GPHN: variants seen among roughly 807,000 people sequenced by gnomAD.
GPHN encodes the protein gephyrin.
A neutral mutation model predicts 95.5 loss-of-function variants in GPHN; 17 were observed. The observed-to-expected ratio is 0.18, with a 90% CI of 0.12 to 0.27. The LOEUF is 0.27. Ranked by LOEUF, GPHN falls within the 10% of genes least tolerant of loss-of-function variation. The probability of loss-of-function intolerance (pLI) is 1.00; values close to 1 mark genes in which losing one functional copy is unlikely to be tolerated. For missense variants in GPHN, 660 were observed against 978.1 expected, an observed-to-expected ratio of 0.67 and a Z score of 4.34; for synonymous variants, 320 against 322.5, an observed-to-expected ratio of 0.99 and a Z score of 0.08.
chr14:66,801,580 ACTCTCTCTCTCTCTCC>A (rs1401576247), intron 3 of GPHN, among the ~76,000 whole-genome samples: 8 of 34,560 alleles, frequency 2.3e-4, no homozygotes, highest in African/African-American at 3.0e-4. Flanking sequence ...CCCTCTCCCC[ACTCTCTCTCTCTCTCC>A]CTCTCTCTCT....
At chr14:66,827,601 T>A (rs1202478708) in intron 4 of GPHN, among the ~76,000 whole-genome samples, 2 of 129,162 alleles carry the variant, frequency 1.5e-5, no homozygotes, top group Non-Finnish European at 3.0e-5. Flanking sequence ...TTTTATTTGT[T>A]GCTATGTAAC....
the GPHN span, chr14:67,541,699 ATTCTCTTCCCCAGCCCTGTT>A: frequency 3.5e-5 from 20 of 573,040 alleles, no homozygotes; most frequent in Middle Eastern, 1.3e-3. Context: ...TCAGTGACCA[ATTCTCTTCCCCAGCCCTGTT>A]TTCTCTTCCC....
chr14:67,484,837 A>G, the GPHN span, among the ~76,000 whole-genome samples: 1 of 152,192 alleles, frequency 6.6e-6, no homozygotes, highest in Non-Finnish European at 1.5e-5. Flanking sequence ...ATATTTTCCT[A>G]TGTGTGTATT....
intron 1 of GPHN, among the ~76,000 whole-genome samples, chr14:66,554,002 C>T (rs570766589): frequency 6.6e-6 from 1 of 152,100 alleles, no homozygotes; most frequent in Non-Finnish European, 1.5e-5. Flanking sequence ...TCTATCTTCT[C>T]TTTGTTTAAT....
At chr14:67,633,304 A>C in the GPHN span, among the ~76,000 whole-genome samples, 3 of 152,056 alleles carry the variant, frequency 2.0e-5, no homozygotes, top group African/African-American at 7.2e-5. Flanking sequence ...TTTATAGAAG[A>C]ATCTAGGTCA....
At chr14:66,769,209 A>G (rs898965944) in intron 2 of GPHN, among the ~76,000 whole-genome samples, 1 of 152,120 alleles carries the variant, frequency 6.6e-6, no homozygotes, top group Non-Finnish European at 1.5e-5. Flanking sequence ...CCAAATTTTA[A>G]TTCTAATCTT....
At chr14:67,246,338 A>G in the GPHN span, among the ~76,000 whole-genome samples, 1 of 150,628 alleles carries the variant, frequency 6.6e-6, no homozygotes, top group Admixed American at 6.6e-5. Context: ...TATGTTGCCC[A>G]GACTGTATTA....
intron 1 of GPHN, among the ~76,000 whole-genome samples, chr14:66,626,679 A>G (rs2153327935): frequency 6.6e-6 from 1 of 152,216 alleles, no homozygotes; most frequent in African/African-American, 2.4e-5. Context: ...GGTAATGAGG[A>G]TGGAAGTAGT....
At chr14:67,273,927 G>T in the GPHN span, among the ~76,000 whole-genome samples, 1 of 152,202 alleles carries the variant, frequency 6.6e-6, no homozygotes, top group Non-Finnish European at 1.5e-5. Context: ...CTTCTTTTGA[G>T]AAGTGTCTGT....
At chr14:67,662,927 T>C in the GPHN span, 1 of 1,266,900 alleles carries the variant, frequency 7.9e-7, no homozygotes, top group Non-Finnish European at 9.9e-7. Context: ...AAAAAGAATG[T>C]TTACCAATAG....
At chr14:67,303,283 A>G in the GPHN span, among the ~76,000 whole-genome samples, 246 of 152,320 alleles carry the variant, frequency 1.6e-3, no homozygotes, top group African/African-American at 5.7e-3. Flanking sequence ...GTTATTCAGC[A>G]TCTGTTATTA....
the GPHN span, among the ~76,000 whole-genome samples, chr14:67,235,918 C>G: frequency 6.6e-6 from 1 of 151,860 alleles, no homozygotes; most frequent in East Asian, 1.9e-4. Context: ...CTCAGTCATT[C>G]ACATTTAGAA....
At chr14:66,951,122 C>T (rs979937756) in intron 8 of GPHN, among the ~76,000 whole-genome samples, 1 of 152,006 alleles carries the variant, frequency 6.6e-6, no homozygotes, top group Non-Finnish European at 1.5e-5. Flanking sequence ...AACGGGATTT[C>T]ATCATGTTGG....
At chr14:67,042,586 G>T (rs916653580) in intron 10 of GPHN, among the ~76,000 whole-genome samples, 1 of 152,076 alleles carries the variant, frequency 6.6e-6, no homozygotes, top group African/African-American at 2.4e-5. Flanking sequence ...CCATTGGTCT[G>T]TATATCTGTT....
chr14:67,007,812 C>T (rs1299857922), intron 9 of GPHN, among the ~76,000 whole-genome samples: 1 of 152,024 alleles, frequency 6.6e-6, no homozygotes, highest in Non-Finnish European at 1.5e-5. Context: ...GTCATATGTC[C>T]TGGTAGCTGC....
intron 6 of GPHN, among the ~76,000 whole-genome samples, chr14:66,918,923 T>TG (rs1180791778): frequency 3.3e-5 from 5 of 152,214 alleles, no homozygotes; most frequent in African/African-American, 1.2e-4. Context: ...TTAAGATTTT[T>TG]TTTTTTACAT....
chr14:66,545,491 G>A, intron 1 of GPHN, among the ~76,000 whole-genome samples: 1 of 125,050 alleles, frequency 8.0e-6, no homozygotes, highest in Non-Finnish European at 1.6e-5. Context: ...CCCGGACGGG[G>A]CGGCTGGCCG....
At chr14:67,574,650 T>A in the GPHN span, among the ~76,000 whole-genome samples, 2 of 152,160 alleles carry the variant, frequency 1.3e-5, no homozygotes, top group East Asian at 3.9e-4. The surrounding 1 kb of genome is among the most constrained non-coding windows in gnomAD (Gnocchi z 4.2). Flanking sequence ...GAAGGGACTA[T>A]CTTGTATCCA....
intron 10 of GPHN, among the ~76,000 whole-genome samples, chr14:67,035,274 C>T (rs2074366864): frequency 6.6e-6 from 1 of 151,824 alleles, no homozygotes; most frequent in Non-Finnish European, 1.5e-5. Flanking sequence ...ATATTAGTGG[C>T]ATGTACTTTA....
Sources: allele counts gnomAD v4.1 joint callset (sites outside exome capture counted in the v4.1 genomes callset), GRCh38; gene constraint gnomAD v4.1.1; non-coding constraint Gnocchi (gnomAD v3.1); transcripts MANE v1.5; gene names NCBI Gene and HGNC (gene_info 2026-07-23, HGNC 2026-07-21).